ADAMTS14: variants seen among roughly 807,000 people sequenced by gnomAD.
The protein encoded by ADAMTS14 is A disintegrin and metalloproteinase with thrombospondin motifs 14.
Under a neutral mutation model 128.6 loss-of-function variants are expected in ADAMTS14, and 100 were observed. The observed-to-expected ratio is 0.78, with a 90% CI of 0.66 to 0.92. The LOEUF (loss-of-function observed/expected upper bound fraction) is 0.92. Among genes scored for constraint, ADAMTS14 ranks in the 40% least tolerant of loss-of-function variants. ADAMTS14 has a pLI of 0.00. For missense variants in ADAMTS14, 1,562 were observed against 1,658.6 expected (o/e 0.94, Z 1.01); for synonymous variants, 665 against 653.8 (o/e 1.02, Z -0.26).
At chr10:70,740,893 A>G in intron 11 of ADAMTS14, 94 bp from the exon 12 acceptor site, 2 of 1,337,170 alleles carry the variant, frequency 1.5e-6, no homozygotes, top group East Asian at 2.4e-5. Context: ...GCTATTATGA[A>G]TGGCTGAGCT....
At chr10:70,751,198 C>T (rs1228648997) in intron 16 of ADAMTS14, among the ~76,000 whole-genome samples, 3 of 152,200 alleles carry the variant, frequency 2.0e-5, no homozygotes, top group Non-Finnish European at 4.4e-5. Flanking sequence ...CAGCCCTGCC[C>T]TCCCATCAGA....
intron 17 of ADAMTS14, 88 bp from the exon 18 acceptor site, chr10:70,752,007 G>T: frequency 1.3e-6 from 2 of 1,525,754 alleles, no homozygotes; most frequent in Non-Finnish European, 1.8e-6. Context: ...GGCCCACAAG[G>T]CTCTCCACAG....
chr10:70,700,936 A>G (rs369818622), intron 2 of ADAMTS14, among the ~76,000 whole-genome samples: 2 of 152,230 alleles, frequency 1.3e-5, no homozygotes, highest in East Asian at 3.8e-4. Context: ...ACTTTTGCAG[A>G]CAGTTGAGTG....
chr10:70,758,188 C>T lies in ADAMTS14; in HGVS notation c.3081C>T (p.Asn1027=). 6.2e-7 allele frequency: 1 copy of T among 1,614,146 alleles called. No homozygotes were observed. Among genetic ancestry groups the T allele is most frequent in the South Asian group, 1.1e-5 (1 of 91,086 alleles). The change falls in exon 21 of 22, where the codon AAC becomes AAT. Residue 1027 remains asparagine (N), a synonymous_variant. Coordinates refer to ENST00000373207, the MANE Select transcript of ADAMTS14 (RefSeq NM_080722.4). ...TCCTGCTCACAGGAAATCACCAGAACTCCACGGTGAGGGCCGATGTCTGGG... is the reference window on the plus strand; with the variant it reads ...TCCTGCTCACAGGAAATCACCAGAATTCCACGGTGAGGGCCGATGTCTGGG... The part of the protein sequence containing the change: ...SLPACGGNHQ[N]STVRADVWEL...
chr10:70,760,733 CG>C lies in ADAMTS14; in HGVS notation c.3558del (p.Leu1187CysfsTer23), dbSNP rs754210432. 3 of 1,614,036 alleles carry C rather than the reference CG, an allele frequency of 1.9e-6. No individual in the cohort carries two copies. The highest frequency in any genetic ancestry group is 1.7e-6 in the Non-Finnish European group (2 of 1,179,986). On this transcript the variant is annotated frameshift_variant, in exon 22 of 22. Coordinates refer to ENST00000373207, the MANE Select transcript of ADAMTS14 (RefSeq NM_080722.4). ...CCTGGAGCATCTCCCCTACCACCCC[CG>C]GGGGGCTGCCTTGGGGCTGGACTCA... is the stretch of plus-strand genomic sequence containing the variant. ...ASWSISPTTPGGLPWGWTQTP... is the reference protein window; with the variant it reads ...ASWSISPTTPXGLPWGWTQTP...
In ADAMTS14 at chr10:70,702,486, G is replaced by C. The variant is rs111846456; in HGVS notation, c.679+18G>C. On this transcript the variant is annotated intron_variant, in intron 3 of 21. Coordinates refer to ENST00000373207, the MANE Select transcript of ADAMTS14 (RefSeq NM_080722.4). ...CAATGAAGGTAGGCTGTAGGTAGGG[G>C]CCTGTGTGCTGCTTCTCTCCCTACC... The C allele has an allele frequency of 1.3e-6, 2 of 1,585,146 alleles. No homozygotes were observed. Among genetic ancestry groups the C allele is most frequent in the African/African-American group, 1.3e-5 (1 of 74,524 alleles).
Position 70,751,564 on chromosome 10 carries a change from CA to C in ADAMTS14, c.2516del (p.Asn839ThrfsTer74), listed in dbSNP as rs1369456152. 8.7e-6 allele frequency: 14 copies of C among 1,613,770 alleles called. No homozygotes were observed. The highest frequency in any genetic ancestry group is 1.1e-5 in the Non-Finnish European group (13 of 1,179,822). ...HEDLLPLIGS[N>X]NVLLEEMDTY... is the part of the protein sequence containing the mutation. ...AGGACCTGCTGCCCCTTATCGGGAG[CA>C]ACAATGTGCTCCTGGAGGAGATGGA... On this transcript the variant is annotated frameshift_variant, in exon 17 of 22. Coordinates refer to ENST00000373207, the MANE Select transcript of ADAMTS14 (RefSeq NM_080722.4).
intron 7 of ADAMTS14, 151 bp from the exon 8 acceptor site, chr10:70,733,734 C>G (rs1273855576): frequency 1.0e-6 from 1 of 972,948 alleles, no homozygotes; most frequent in Non-Finnish European, 1.5e-6. Context: ...GATTGGTCCT[C>G]CCCACTACGT....
At chr10:70,687,371 G>C (rs1589262828) in intron 2 of ADAMTS14, among the ~76,000 whole-genome samples, 1 of 69,954 alleles carries the variant, frequency 1.4e-5, no homozygotes, top group Non-Finnish European at 3.1e-5. Context: ...GGGGCGGCTG[G>C]CCGGGCAGAG....
At chr10:70,756,312 C>A (rs1160968539) in intron 19 of ADAMTS14, among the ~76,000 whole-genome samples, 1 of 152,024 alleles carries the variant, frequency 6.6e-6, no homozygotes, top group Non-Finnish European at 1.5e-5. Flanking sequence ...TTGTAAAGAA[C>A]CAAAAATCCA....
At chr10:70,717,049 T>G (rs1841076804) in intron 4 of ADAMTS14, among the ~76,000 whole-genome samples, 1 of 152,252 alleles carries the variant, frequency 6.6e-6, no homozygotes, top group Non-Finnish European at 1.5e-5. Flanking sequence ...TCCTTAAGAC[T>G]TCTTCAAATC....
At position 70,731,091 on chromosome 10, in the gene ADAMTS14, C is replaced by CAT. The variant is rs1554820562; in HGVS notation, c.1102+842_1102+843insAT. ...ACACACACACACACACACACACACA[C>CAT]GTACAGACATCCACACACATGTACA... On this transcript the variant is annotated intron_variant, in intron 6 of 21. Transcript: ENST00000373207. Among the ~76,000 whole-genome samples, 84 of 150,952 alleles carry CAT rather than the reference C, an allele frequency of 5.6e-4. 1 individual carries two copies. The highest frequency in any genetic ancestry group is 1.5e-3 in the South Asian group (7 of 4,726).
chr10:70,749,200 T>C (rs1842272595), intron 15 of ADAMTS14, among the ~76,000 whole-genome samples: 1 of 152,188 alleles, frequency 6.6e-6, no homozygotes, highest in Non-Finnish European at 1.5e-5. Flanking sequence ...CCACTGCGCA[T>C]CACTACTTGC....
At chr10:70,738,439 C>T (rs1020085548) in intron 10 of ADAMTS14, among the ~76,000 whole-genome samples, 3 of 152,202 alleles carry the variant, frequency 2.0e-5, no homozygotes, top group African/African-American at 4.8e-5. Context: ...AAGCACATCT[C>T]ATGATCCCTG....
chr10:70,706,247 A>T (rs10740356), intron 3 of ADAMTS14, among the ~76,000 whole-genome samples: 109,133 of 152,104 alleles, frequency 0.72, 39,317 homozygotes, highest in East Asian at 0.85. Context: ...CCCGATAGAC[A>T]GTGGTCATGG....
At chr10:70,730,923 G>A (rs955930867) in intron 6 of ADAMTS14, among the ~76,000 whole-genome samples, 3 of 152,174 alleles carry the variant, frequency 2.0e-5, no homozygotes, top group Non-Finnish European at 4.4e-5. Context: ...AGGCAGATGT[G>A]AGACTCAAAC....
Position 70,760,384 on chromosome 10 carries a change from CTG to C in ADAMTS14, c.3205_3206del (p.Val1069LeufsTer100), listed in dbSNP as rs1842578411. The C allele has an allele frequency of 1.3e-6, 2 of 1,591,660 alleles. No individual in the cohort carries two copies. The highest frequency in any genetic ancestry group is 2.3e-5 in the South Asian group (2 of 88,116). On this transcript the variant is annotated frameshift_variant, in exon 22 of 22. Transcript: ENST00000373207. ...GCGGAGCCCTGCACGGGAGACAGGT[CTG>C]TCTTCTGCCAGATGGAAGTGCTCGA...
intron 2 of ADAMTS14, among the ~76,000 whole-genome samples, chr10:70,689,276 G>C (rs78662900): frequency 6.9e-6 from 1 of 145,002 alleles, no homozygotes; most frequent in Non-Finnish European, 1.6e-5. Flanking sequence ...TGACCCGAAG[G>C]ATGCTTGTTT....
At chr10:70,679,952 G>T (rs1000007435) in intron 2 of ADAMTS14, among the ~76,000 whole-genome samples, 2 of 152,160 alleles carry the variant, frequency 1.3e-5, no homozygotes, top group Non-Finnish European at 2.9e-5. Flanking sequence ...GGGGTGGGGC[G>T]GGGGGAGTTG....
Sources: allele counts gnomAD v4.1 joint callset (sites outside exome capture counted in the v4.1 genomes callset), GRCh38; gene constraint gnomAD v4.1.1; transcripts MANE v1.5; gene names NCBI Gene and HGNC (gene_info 2026-07-23, HGNC 2026-07-21).